The following GRIA3 variants were observed in gnomAD, a reference collection of about 807,000 sequenced individuals.
GRIA3 encodes glutamate receptor 3.
GRIA3 carries 3 observed loss-of-function variants against 63.0 expected under a neutral mutation model. That is an observed-to-expected ratio of 0.05 (90% CI 0.02 to 0.12). GRIA3 has a LOEUF of 0.12. GRIA3 is among the 10% of genes least tolerant of loss of function. The pLI, the probability that GRIA3 is intolerant of heterozygous loss-of-function variation, is 1.00. For missense variants in GRIA3, 347 were observed against 700.9 expected (o/e 0.50, Z 5.70); for synonymous variants, 274 against 257.9 (o/e 1.06, Z -0.60).
chrX:123,294,312 CTT>C (rs1267936284), intron 3 of GRIA3, among the ~76,000 whole-genome samples: 3 of 111,220 alleles, frequency 2.7e-5, no homozygotes, highest in Non-Finnish European at 5.7e-5. Flanking sequence ...CCATACTAAT[CTT>C]TGATGTGCAC....
intron 2 of GRIA3, among the ~76,000 whole-genome samples, chrX:123,243,216 A>G (rs1451639593): frequency 8.9e-6 from 1 of 112,313 alleles, no homozygotes; most frequent in African/African-American, 3.2e-5. Flanking sequence ...GTTCCCTTAA[A>G]TCTACTCTTC....
intron 12 of GRIA3, among the ~76,000 whole-genome samples, chrX:123,431,027 T>TACACACAC (rs3050442): frequency 0.24 from 23,929 of 99,153 alleles, 2,720 homozygotes; most frequent in Non-Finnish European, 0.34. Flanking sequence ...GTAACTCACA[T>TACACACAC]ACACACACAC....
intron 3 of GRIA3, among the ~76,000 whole-genome samples, chrX:123,267,253 C>T (rs1191558453): frequency 8.9e-6 from 1 of 111,781 alleles, no homozygotes; most frequent in Admixed American, 9.5e-5. Context: ...TCAGATAATA[C>T]ATTAGATAGT....
In GRIA3 at chrX:123,398,706, G is replaced by A. The variant is rs974542866; in HGVS notation, c.983G>A (p.Arg328Gln). 2 of 1,206,194 alleles carry A rather than the reference G, an allele frequency of 1.7e-6. No homozygotes were observed. The highest frequency in any genetic ancestry group is 1.8e-5 in the South Asian group (1 of 56,808). The change falls in exon 7 of 16, where the codon CGA (arginine) becomes CAA (glutamine). Residue 328 changes from arginine to glutamine, a missense_variant. Arg to Gln is a conservative substitution (Grantham distance 43, BLOSUM62 1). Around this residue, in one of 8 missense-constraint regions of GRIA3, gnomAD observed 65 missense variants for 145.8 expected, o/e 0.45. Coordinates refer to ENST00000620443, the MANE Select transcript of GRIA3 (RefSeq NM_007325.5). ...GCTTTCCGCTACCTGAGGAGGCAGC[G>A]AGTAGATGTGTCCCGGAGAGGAAGT... ...AEAFRYLRRQ[R>Q]VDVSRRGSAG... is the part of the protein sequence containing the mutation.
At chrX:123,456,188 C>T (rs777916419) in intron 12 of GRIA3, among the ~76,000 whole-genome samples, 2 of 110,996 alleles carry the variant, frequency 1.8e-5, no homozygotes, top group African/African-American at 6.5e-5. Flanking sequence ...CTACTGGGCA[C>T]ACACACTGTT....
intron 12 of GRIA3, among the ~76,000 whole-genome samples, chrX:123,456,965 A>T (rs1322338794): frequency 4.5e-5 from 5 of 111,815 alleles, no homozygotes; most frequent in Non-Finnish European, 9.4e-5. Context: ...TAAATAATTC[A>T]GAAGAAAAAG....
Position 123,394,987 on chromosome X carries a change from T to C in GRIA3, c.770T>C (p.Leu257Pro), listed in dbSNP as rs138419523. 2.5e-6 allele frequency: 3 copies of C among 1,191,550 alleles called. No homozygotes were observed. The highest frequency in any genetic ancestry group is 3.5e-5 in the African/African-American group (2 of 56,875). ...LANLGFTDIL[L>P]ERVMHGGANI... ...TTCCAGGGTTTTACTGATATTTTAC[T>C]GGAAAGAGTCATGCATGGGGGAGCC... The change falls in exon 6 of 16, where the codon CTG becomes CCG. Residue 257 changes from leucine (L) to proline (P), a missense_variant. Transcript: ENST00000620443.
chrX:123,294,621 C>T (rs1007532415), intron 3 of GRIA3, among the ~76,000 whole-genome samples: 1 of 110,926 alleles, frequency 9.0e-6, no homozygotes, highest in Non-Finnish European at 1.9e-5. Context: ...CCCTTTCAAA[C>T]AGGAAAAGGA....
intron 3 of GRIA3, among the ~76,000 whole-genome samples, chrX:123,294,919 T>G (rs2044676288): frequency 8.9e-6 from 1 of 112,008 alleles, no homozygotes; most frequent in South Asian, 3.7e-4. Context: ...TGTTTTTAAT[T>G]TTTTGTTGTT....
chrX:123,468,286 CA>C lies in GRIA3; in HGVS notation c.2324+3186del, dbSNP rs375627030. Among the ~76,000 whole-genome samples, 364 of 94,684 alleles carry C rather than the reference CA, an allele frequency of 3.8e-3. 2 individuals are homozygous for C. Among genetic ancestry groups the C allele is most frequent in the African/African-American group, 0.012 (303 of 26,068 alleles). 82.2% of individuals were successfully genotyped at this position (94,684 alleles called of 115,157 possible). On this transcript the variant is annotated intron_variant, in intron 13 of 15. Transcript: ENST00000620443. The stretch of plus-strand genomic sequence containing the variant: ...TGGTTACCACTACGTATTAGTGATG[CA>C]AAAAAAAAAAATCAATGGAGAAGGA...
chrX:123,253,701 A>G, intron 3 of GRIA3, 159 bp downstream of exon 3: 1 of 519,498 alleles, frequency 1.9e-6, no homozygotes. Flanking sequence ...TAAAAAATAA[A>G]AGTAATAGTA....
At chrX:123,462,563 AG>A (rs2045798793) in intron 12 of GRIA3, among the ~76,000 whole-genome samples, 1 of 111,701 alleles carries the variant, frequency 9.0e-6, no homozygotes. Context: ...CAGCTGGGCG[AG>A]GTGGCTCAGG....
intron 5 of GRIA3, among the ~76,000 whole-genome samples, chrX:123,374,650 C>T (rs2045272346): frequency 9.0e-6 from 1 of 111,423 alleles, no homozygotes; most frequent in African/African-American, 3.3e-5. Context: ...TGATTTGGCT[C>T]TCTGTCTGTT....
chrX:123,416,195 T>G (rs11260436), intron 10 of GRIA3, among the ~76,000 whole-genome samples: 35,736 of 111,148 alleles, frequency 0.32, 4,192 homozygotes, highest in South Asian at 0.46. Flanking sequence ...ATCATCTGCA[T>G]TTCCCTTTCA....
At chrX:123,394,081 T>C (rs2045400134) in intron 5 of GRIA3, among the ~76,000 whole-genome samples, 2 of 112,425 alleles carry the variant, frequency 1.8e-5, no homozygotes, top group African/African-American at 6.5e-5. Flanking sequence ...TCATTTATTG[T>C]CTGGGTGCAG....
At chrX:123,355,082 A>G in intron 5 of GRIA3, 119 bp downstream of exon 5, 1 of 576,952 alleles carries the variant, frequency 1.7e-6, no homozygotes. Context: ...TGGAGAAATG[A>G]CTTCGGTAAA....
In GRIA3 at chrX:123,185,881, T is replaced by C. The variant is rs145583732; in HGVS notation, c.159T>C (p.Phe53=). The C allele has an allele frequency of 1.0e-3, 1,212 of 1,205,559 alleles. No homozygotes were observed. Among genetic ancestry groups the C allele is most frequent in the Non-Finnish European group, 1.1e-3 (971 of 891,415 alleles). The change falls in exon 2 of 16, where the codon TTT becomes TTC. Residue 53 remains phenylalanine (F), a synonymous_variant. Coordinates refer to ENST00000620443, the MANE Select transcript of GRIA3 (RefSeq NM_007325.5). ...NTVQEHSAFR[F]AVQLYNTNQN... Reference sequence around the variant, plus strand: ...TGCAGGAGCACAGCGCTTTCCGCTTTGCCGTGCAGTTATACAACACCAACC... The same window carrying C: ...TGCAGGAGCACAGCGCTTTCCGCTTCGCCGTGCAGTTATACAACACCAACC...
intron 3 of GRIA3, among the ~76,000 whole-genome samples, chrX:123,301,564 A>G (rs2044723469): frequency 9.0e-6 from 1 of 111,563 alleles, no homozygotes; most frequent in East Asian, 2.8e-4. Flanking sequence ...TGCCCATCAC[A>G]TAGTAACCAT....
intron 5 of GRIA3, among the ~76,000 whole-genome samples, chrX:123,380,463 A>G (rs1427349317): frequency 1.8e-5 from 2 of 111,870 alleles, no homozygotes; most frequent in Non-Finnish European, 3.8e-5. Flanking sequence ...GGGACTGTTC[A>G]TATCCTTCGC....
Sources: gnomAD v4.1 joint callset for allele counts (sites outside exome capture counted in the v4.1 genomes callset) on GRCh38, gnomAD v4.1.1 for gene constraint, gnomAD v4.1.1 regional missense constraint, MANE v1.5 for transcripts, NCBI Gene and HGNC (gene_info 2026-07-23, HGNC 2026-07-21) for gene names.